The following PPP2R5A variants were observed in gnomAD, a reference collection of about 807,000 sequenced individuals.
The protein encoded by PPP2R5A is protein phosphatase 2 regulatory subunit B'alpha.
In PPP2R5A, 25 loss-of-function variants were observed where a neutral mutation model predicts 64.2. The observed-to-expected ratio is 0.39, with a 90% CI of 0.28 to 0.54. PPP2R5A has a LOEUF of 0.54. Among genes scored for constraint, PPP2R5A ranks in the 20% least tolerant of loss-of-function variants. PPP2R5A has a pLI of 0.67. For missense variants in PPP2R5A, 425 were observed against 576.3 expected (o/e 0.74, Z 2.69); for synonymous variants, 198 against 201.2 (o/e 0.98, Z 0.13).
intron 6 of PPP2R5A, 81 bp from the exon 7 acceptor site, chr1:212,348,308 C>T: frequency 2.3e-6 from 2 of 857,612 alleles, no homozygotes; most frequent in East Asian, 2.4e-5. Context: ...AGCACTGTTC[C>T]TTATGTACTC....
intron 1 of PPP2R5A, among the ~76,000 whole-genome samples, chr1:212,297,117 TTTTTTTTTTTTTTTTTTTTTTGG>T (rs1658710672): frequency 8.0e-5 from 2 of 25,032 alleles, no homozygotes; most frequent in African/African-American, 3.7e-4. Context: ...TTTTTTTTTT[TTTTTTTTTTTTTTTTTTTTTTGG>T]AGACGGAGTC....
intron 1 of PPP2R5A, among the ~76,000 whole-genome samples, chr1:212,297,120 TTTTTTTTTTTTTTTTTTTGG>T (rs1658711058): frequency 4.1e-5 from 1 of 24,672 alleles, no homozygotes; most frequent in African/African-American, 1.9e-4. Context: ...TTTTTTTTTT[TTTTTTTTTTTTTTTTTTTGG>T]AGACGGAGTC....
intron 8 of PPP2R5A, among the ~76,000 whole-genome samples, chr1:212,355,218 T>A (rs1173254615): frequency 3.3e-5 from 5 of 152,170 alleles, no homozygotes; most frequent in South Asian, 2.1e-4. Context: ...GTATTGATTT[T>A]TATATATGTA....
chr1:212,340,741 A>G (rs1659672624), intron 3 of PPP2R5A, among the ~76,000 whole-genome samples: 1 of 152,358 alleles, frequency 6.6e-6, no homozygotes, highest in South Asian at 2.1e-4. Context: ...GGGCAGAGAT[A>G]CATCAAGCAA....
At chr1:212,294,502 A>G (rs1329272438) in intron 1 of PPP2R5A, among the ~76,000 whole-genome samples, 2 of 152,174 alleles carry the variant, frequency 1.3e-5, no homozygotes, top group African/African-American at 4.8e-5. Flanking sequence ...TCTTCTTTAA[A>G]TTGGTCAGTG....
Position 212,313,685 on chromosome 1 carries a change from A to G in PPP2R5A, c.182-15450A>G, listed in dbSNP as rs545506694. 9.2e-5 allele frequency: 14 copies of G among 152,108 alleles called. No homozygotes were observed. In the South Asian group the frequency reaches 2.7e-3, roughly 29 times the overall value. 9.4% of individuals were successfully genotyped at this position (152,108 alleles called of 1,614,324 possible). A position where few individuals can be genotyped will look rare whatever the true frequency, so the allele number is the denominator to read the frequency against. On this transcript the variant is annotated intron_variant, in intron 1 of 12. Transcript: ENST00000261461. ...AATATTTCCTACTGACTTTAAAAAA[A>G]AAAACACCAACCGTATTATATACTA...
intron 8 of PPP2R5A, 78 bp downstream of exon 8, chr1:212,349,320 T>TA: frequency 9.1e-7 from 1 of 1,095,832 alleles, no homozygotes; most frequent in Non-Finnish European, 1.3e-6. Context: ...ATAGCCTTTA[T>TA]AGTTATTAAG....
intron 5 of PPP2R5A, among the ~76,000 whole-genome samples, chr1:212,346,895 C>T (rs1659785000): frequency 6.6e-6 from 1 of 152,184 alleles, no homozygotes; most frequent in South Asian, 2.1e-4. Context: ...TTATGTCTCC[C>T]TGCTTTAAAG....
chr1:212,287,904 T>C (rs1658533134), intron 1 of PPP2R5A, among the ~76,000 whole-genome samples: 2 of 152,208 alleles, frequency 1.3e-5, no homozygotes, highest in South Asian at 4.1e-4. Flanking sequence ...TTTAGTAAGA[T>C]ATTCTAGTTT....
intron 1 of PPP2R5A, among the ~76,000 whole-genome samples, chr1:212,321,117 T>G (rs1659277482): frequency 7.9e-6 from 1 of 125,942 alleles, no homozygotes; most frequent in Admixed American, 7.8e-5. Context: ...GCAGAGGGGC[T>G]CCTCTCTTCC....
rs1404112253 is a variant in PPP2R5A, at chr1:212,329,201, A to G, written c.248A>G (p.Asp83Gly). ...TTGCAGCAGTGTTGTATACTGTTTG[A>G]TTTCATGGACTCTGTTTCAGACTTG... ...QKLQQCCILFDFMDSVSDLKS... is the reference protein window; with the variant it reads ...QKLQQCCILFGFMDSVSDLKS... The change falls in exon 2 of 13, where the codon GAT becomes GGT. Residue 83 changes from aspartate (D) to glycine (G), a missense_variant. By Grantham distance (94) the Asp-to-Gly change is moderately conservative (BLOSUM62 -1). Coordinates refer to ENST00000261461, the MANE Select transcript of PPP2R5A (RefSeq NM_006243.4). 1 of 1,613,224 alleles carries G rather than the reference A, an allele frequency of 6.2e-7. No individual in the cohort carries two copies. The highest frequency in any genetic ancestry group is 8.5e-7 in the Non-Finnish European group (1 of 1,179,670).
At chr1:212,294,007 TAATG>T (rs1184182257) in intron 1 of PPP2R5A, among the ~76,000 whole-genome samples, 1 of 152,190 alleles carries the variant, frequency 6.6e-6, no homozygotes, top group African/African-American at 2.4e-5. Context: ...TTTGCTTAGT[TAATG>T]AATAAACCAT....
chr1:212,289,468 G>C (rs1658563523), intron 1 of PPP2R5A, among the ~76,000 whole-genome samples: 1 of 152,188 alleles, frequency 6.6e-6, no homozygotes, highest in South Asian at 2.1e-4. Context: ...TACTTATCTG[G>C]ATGATGTTGC....
intron 1 of PPP2R5A, among the ~76,000 whole-genome samples, chr1:212,305,383 A>G (rs1342487875): frequency 6.6e-6 from 1 of 152,044 alleles, no homozygotes; most frequent in Admixed American, 6.6e-5. Flanking sequence ...GTCAGAGAAC[A>G]TAGTTTGTAT....
At chr1:212,333,151 C>G (rs911580554) in intron 2 of PPP2R5A, among the ~76,000 whole-genome samples, 10 of 152,140 alleles carry the variant, frequency 6.6e-5, no homozygotes, top group Admixed American at 5.2e-4. Context: ...AGTCTGCCCC[C>G]CTCGGCCTCC....
intron 1 of PPP2R5A, among the ~76,000 whole-genome samples, chr1:212,304,964 C>G (rs1016009460): frequency 6.6e-6 from 1 of 151,336 alleles, no homozygotes; most frequent in African/African-American, 2.4e-5. Context: ...ATCTCCTGAC[C>G]TCATTAGCCA....
At position 212,286,133 on chromosome 1, in the gene PPP2R5A, CG is replaced by C; in HGVS notation, c.28del (p.Ala10LeufsTer82). MSSSSPP[A>X]GAASAAISAS... is the part of the protein sequence containing the mutation. The stretch of plus-strand genomic sequence containing the variant: ...GAGATGTCGTCGTCGTCGCCGCCGG[CG>C]GGGGCTGCCAGCGCCGCCATCTCGG... On this transcript the variant is annotated frameshift_variant, in exon 1 of 13. Coordinates refer to ENST00000261461, the MANE Select transcript of PPP2R5A (RefSeq NM_006243.4). LOFTEE classifies it high-confidence loss of function. The C allele has an allele frequency of 6.3e-7, 1 of 1,583,088 alleles. No individual in the cohort carries two copies. Among genetic ancestry groups the C allele is most frequent in the East Asian group, 2.3e-5 (1 of 43,120 alleles).
intron 3 of PPP2R5A, among the ~76,000 whole-genome samples, chr1:212,339,672 C>G (rs1659654005): frequency 6.6e-6 from 1 of 151,872 alleles, no homozygotes; most frequent in African/African-American, 2.4e-5. Context: ...ATATATGGTT[C>G]AATTATATAT....
intron 1 of PPP2R5A, among the ~76,000 whole-genome samples, chr1:212,325,451 T>C (rs1659389021): frequency 6.6e-6 from 1 of 152,046 alleles, no homozygotes; most frequent in Admixed American, 6.6e-5. Context: ...TCATTCACAT[T>C]GAGGAGGTGG....
Sources: allele counts gnomAD v4.1 joint callset (sites outside exome capture counted in the v4.1 genomes callset), GRCh38; gene constraint gnomAD v4.1.1; transcripts MANE v1.5; gene names NCBI Gene and HGNC (gene_info 2026-07-23, HGNC 2026-07-21).